Variants in CYP26C1 observed in about 807,000 individuals in gnomAD.
CYP26C1 encodes the protein cytochrome P450 family 26 subfamily C member 1, also known as cytochrome P450 26C1.
A neutral mutation model predicts 39.1 loss-of-function variants in CYP26C1; 41 were observed. That is an observed-to-expected ratio of 1.05 (90% CI 0.82 to 1.36). The LOEUF (loss-of-function observed/expected upper bound fraction) is 1.36, where lower values mean the gene tolerates loss of function less well. Among genes scored for constraint, CYP26C1 ranks in the 40% most tolerant of loss-of-function variants. The pLI is 0.00. For synonymous variants in CYP26C1, 362 were observed against 350.8 expected (o/e 1.03, Z -0.36); for missense variants, 833 against 752.0 (o/e 1.11, Z -1.26).
chr10:93,063,264 C>T, intron 3 of CYP26C1: 1 of 1,199,154 alleles, frequency 8.3e-7, no homozygotes, highest in Non-Finnish European at 1.0e-6. Flanking sequence ...CCTGAGCAAG[C>T]GCGGGCCGCC....
At position 93,066,331 on chromosome 10, in the gene CYP26C1, G is replaced by T. The variant is rs61863115; in HGVS notation, c.1191+46G>T. On this transcript the variant is annotated intron_variant, in intron 5 of 5. Transcript: ENST00000651965. ...CATGGCCAGCCTCCTGCCTCCTGCC[G>T]CCTGCCGCCTGCCGCCTGCCGCCTG... The T allele has an allele frequency of 1.8e-4, 54 of 294,604 alleles. No individual in the cohort carries two copies. In the Middle Eastern group the frequency reaches 5.0e-3, roughly 27 times the overall value. 18.2% of individuals were successfully genotyped at this position (294,604 alleles called of 1,614,324 possible). A position where few individuals can be genotyped will look rare whatever the true frequency, so the allele number is the denominator to read the frequency against.
At position 93,068,449 on chromosome 10, in the gene CYP26C1, C is replaced by T. The variant is rs767103970; in HGVS notation, c.1321C>T (p.Arg441Trp). The T allele has an allele frequency of 2.3e-5, 37 of 1,611,634 alleles. No homozygotes were observed. Among genetic ancestry groups the T allele is most frequent in the Non-Finnish European group, 2.6e-5 (31 of 1,179,470 alleles). ...CTTCGGCGCAGCGCGCGAAGATTCCCGGGGCGCCTCCAGCCGCTTCCATTA... is the reference window on the plus strand; with the variant it reads ...CTTCGGCGCAGCGCGCGAAGATTCCTGGGGCGCCTCCAGCCGCTTCCATTA... ...ERFGAAREDSRGASSRFHYIP... is the reference protein window; with the variant it reads ...ERFGAAREDSWGASSRFHYIP... The change falls in exon 6 of 6, where the codon CGG becomes TGG. Residue 441 changes from arginine to tryptophan, a missense_variant. Physicochemically the swap from Arg to Trp is moderately radical, Grantham distance 101. Transcript: ENST00000651965.
intron 5 of CYP26C1, among the ~76,000 whole-genome samples, 190 bp downstream of exon 5, chr10:93,066,475 C>T (rs1433093257): frequency 6.6e-6 from 1 of 152,226 alleles, no homozygotes; most frequent in Non-Finnish European, 1.5e-5. Flanking sequence ...TTCCACCTCC[C>T]CGGATCCCCC....
intron 5 of CYP26C1, 131 bp downstream of exon 5, chr10:93,066,416 T>C: frequency 1.7e-5 from 15 of 895,422 alleles, no homozygotes; most frequent in Non-Finnish European, 2.2e-5. Flanking sequence ...GTCACCTCTT[T>C]TGCCCTCAGA....
rs1483554581 is a variant in CYP26C1 at position 93,061,289 on chromosome 10, T to C, written c.26T>C (p.Leu9Pro). The C allele has an allele frequency of 1.9e-6, 3 of 1,592,488 alleles. No homozygotes were observed. Among genetic ancestry groups the C allele is most frequent in the South Asian group, 2.3e-5 (2 of 87,450 alleles). Residue 9 changes from leucine (L) to proline (P), a missense_variant, in exon 1 of 6, where the codon CTG (leucine) becomes CCG (proline). Leu to Pro is a moderately conservative substitution (Grantham distance 98). Coordinates refer to ENST00000651965, the MANE Select transcript of CYP26C1 (RefSeq NM_183374.3). ...ATGTTCCCTTGGGGGCTGAGCTGCC[T>C]GTCAGTGCTGGGGGCGGCGGGCACT... MFPWGLSC[L>P]SVLGAAGTAL...
chr10:93,063,247 G>A lies in CYP26C1; in HGVS notation c.705+252G>A, dbSNP rs531939849. The A allele has an allele frequency of 1.7e-3, 2,040 of 1,230,340 alleles. 3 individuals carry two copies. The highest frequency in any genetic ancestry group is 4.4e-3 in the Middle Eastern group (14 of 3,200). 76.2% of individuals were successfully genotyped at this position (1,230,340 alleles called of 1,614,324 possible). ...CCGTGGGACGCGCCTGCCGCGACGC[G>A]CTCCAGCCTGAGCAAGCGCGGGCCG... On this transcript the variant is annotated intron_variant, in intron 3 of 5. Coordinates refer to ENST00000651965, the MANE Select transcript of CYP26C1 (RefSeq NM_183374.3).
rs1180862803 is a variant in CYP26C1 at position 93,062,779 on chromosome 10, G to A, written c.489G>A (p.Gly163=). The change falls in exon 3 of 6, where the codon GGG becomes GGA. Residue 163 remains glycine, a synonymous_variant. Transcript: ENST00000651965. ...AGCGCTACGTGCCGCGCCTGCAGGG[G>A]GCGCTGCGGCATGAGGTGCGCTCCT... ...ALERYVPRLQ[G]ALRHEVRSWC... 1 of 1,522,270 alleles carries A rather than the reference G, an allele frequency of 6.6e-7. No individual in the cohort carries two copies. The highest frequency in any genetic ancestry group is 2.5e-5 in the East Asian group (1 of 39,488). The allele number at this position is 1,522,270 out of a possible 1,614,324, so 94.3% of individuals were successfully genotyped here. A position where few individuals can be genotyped will look rare whatever the true frequency, so the allele number is the denominator to read the frequency against.
At chr10:93,064,103 C>A in intron 3 of CYP26C1, 1 of 1,200,986 alleles carries the variant, frequency 8.3e-7, no homozygotes, top group Non-Finnish European at 1.1e-6. Flanking sequence ...AATTGCTTGA[C>A]CTCTCTGAAC....
At chr10:93,063,017 A>G in intron 3 of CYP26C1, 22 bp downstream of exon 3, 1 of 1,524,850 alleles carries the variant, frequency 6.6e-7, no homozygotes. Context: ...CCGGCTCCAG[A>G]CCTTCCTCCG....
In CYP26C1 at chr10:93,064,369, C is replaced by CCT; in HGVS notation, c.706-11_706-10dup. On this transcript the variant is annotated splice_polypyrimidine_tract_variant and intron_variant, in intron 3 of 5. Coordinates refer to ENST00000651965, the MANE Select transcript of CYP26C1 (RefSeq NM_183374.3). ...CTTCCTGCCCCATCTTTCTTCTCTCCCTGAACATCAGGGCATCCGGGCAAG... is the reference window on the plus strand; with the variant it reads ...CTTCCTGCCCCATCTTTCTTCTCTCCCTCTGAACATCAGGGCATCCGGGCAAG... The CCT allele has an allele frequency of 1.2e-6, 2 of 1,611,006 alleles. No individual in the cohort carries two copies. The highest frequency in any genetic ancestry group is 1.7e-5 in the Admixed American group (1 of 59,804).
intron 2 of CYP26C1, 41 bp downstream of exon 2, chr10:93,062,275 G>T: frequency 6.7e-7 from 1 of 1,482,206 alleles, no homozygotes; most frequent in Non-Finnish European, 9.0e-7. Context: ...CGTCGGATCC[G>T]CGGTCCCCGG....
At chr10:93,066,406 G>A in intron 5 of CYP26C1, 121 bp downstream of exon 5, 2 of 1,015,784 alleles carry the variant, frequency 2.0e-6, no homozygotes, top group Non-Finnish European at 2.5e-6. Flanking sequence ...GGACGGCGCG[G>A]TCACCTCTTT....
intron 3 of CYP26C1, chr10:93,063,232 C>G: frequency 8.0e-7 from 1 of 1,243,746 alleles, no homozygotes; most frequent in Non-Finnish European, 1.0e-6. Context: ...CCGTGGGACG[C>G]GCCTGCCGCG....
Position 93,061,119 on chromosome 10 carries a change from C to T in CYP26C1, c.-145C>T, listed in dbSNP as rs1041584421. On this transcript the variant is annotated 5_prime_UTR_variant, in exon 1 of 6. Transcript: ENST00000651965. ...TCTGTTTTTAGAACAGAGTTCTGGC[C>T]TGAGCTTATAAATCTCGGGCTTTGC... 2.4e-6 allele frequency: 2 copies of T among 817,752 alleles called. No individual in the cohort carries two copies. Among genetic ancestry groups the T allele is most frequent in the Admixed American group, 5.6e-5 (2 of 35,872 alleles). The allele number at this position is 817,752 out of a possible 1,614,324, so 50.7% of individuals were successfully genotyped here.
rs1846767147 is a variant in CYP26C1, at chr10:93,062,724, T to C, written c.434T>C (p.Leu145Pro). The C allele has an allele frequency of 7.0e-7, 1 of 1,424,300 alleles. No individual in the cohort carries two copies. The highest frequency in any genetic ancestry group is 1.5e-5 in the South Asian group (1 of 65,550). 88.2% of individuals were successfully genotyped at this position (1,424,300 alleles called of 1,614,324 possible). The change falls in exon 3 of 6, where the codon CTG becomes CCG. Residue 145 changes from leucine (L) to proline (P), a missense_variant. By Grantham distance (98) the Leu-to-Pro change is moderately conservative (BLOSUM62 -3). Coordinates refer to ENST00000651965, the MANE Select transcript of CYP26C1 (RefSeq NM_183374.3). The part of the protein sequence containing the change: ...GEPHRRRRKV[L>P]ARVFSRAALE... Reference sequence around the variant, plus strand: ...TGATCACGCGCGCTCCCACAGGTCCTGGCGCGCGTGTTCAGCCGCGCCGCG... The same window carrying C: ...TGATCACGCGCGCTCCCACAGGTCCCGGCGCGCGTGTTCAGCCGCGCCGCG...
In CYP26C1 at chr10:93,068,383, G is replaced by A. The variant is rs1338962348; in HGVS notation, c.1255G>A (p.Ala419Thr). 1.3e-6 allele frequency: 2 copies of A among 1,594,982 alleles called. No individual in the cohort carries two copies. Among genetic ancestry groups the A allele is most frequent in the Admixed American group, 1.8e-5 (1 of 55,144 alleles). ...YSIRDTHETA[A>T]VYRSPPEGFD... ...CATCCGGGACACGCACGAGACGGCT[G>A]CGGTGTACCGCAGCCCTCCCGAAGG... is the stretch of plus-strand genomic sequence containing the variant. The change falls in exon 6 of 6, where the codon GCG (alanine) becomes ACG (threonine). Residue 419 changes from alanine to threonine, a missense_variant. Ala to Thr is a moderately conservative substitution (Grantham distance 58). Transcript: ENST00000651965.
In CYP26C1 at chr10:93,068,676, G is replaced by A. The variant is rs1469947878; in HGVS notation, c.1548G>A (p.Ala516=). The A allele has an allele frequency of 6.4e-7, 1 of 1,574,634 alleles. No individual in the cohort carries two copies. Among genetic ancestry groups the A allele is most frequent in the Non-Finnish European group, 8.6e-7 (1 of 1,157,368 alleles). ...LFFHPLTPSV[A]GNGLCL ...TCCACCCCCTCACGCCTTCGGTTGC[G>A]GGGAATGGGCTATGCCTCTGACATG... is the stretch of plus-strand genomic sequence containing the variant. The change falls in exon 6 of 6, where the codon GCG becomes GCA. Residue 516 remains alanine (A), a synonymous_variant. Transcript: ENST00000651965.
At chr10:93,065,909 G>A (rs2134414196) in intron 4 of CYP26C1, 47 bp from the exon 5 acceptor site, 3 of 1,473,090 alleles carry the variant, frequency 2.0e-6, no homozygotes, top group South Asian at 1.4e-5. Flanking sequence ...AGCGCCCCGG[G>A]CGACTCCACC....
intron 3 of CYP26C1, chr10:93,063,474 G>C: frequency 4.0e-6 from 4 of 987,998 alleles, no homozygotes; most frequent in Non-Finnish European, 3.6e-6. Context: ...AGCTCCACCA[G>C]CCCTGGACCC....
Sources: allele counts gnomAD v4.1 joint callset (sites outside exome capture counted in the v4.1 genomes callset), GRCh38; gene constraint gnomAD v4.1.1; transcripts MANE v1.5; gene names NCBI Gene and HGNC (gene_info 2026-07-23, HGNC 2026-07-21).